Variants in CARMIL1 observed in about 807,000 individuals in gnomAD.
CARMIL1 encodes F-actin-uncapping protein LRRC16A.
A neutral mutation model predicts 177.1 loss-of-function variants in CARMIL1; 90 were observed. The observed-to-expected ratio is 0.51, with a 90% confidence interval of 0.43 to 0.61. The LOEUF is 0.61. CARMIL1 is among the 20% of genes least tolerant of loss of function. The probability of loss-of-function intolerance (pLI) is 0.00; values close to 1 mark genes in which losing one functional copy is unlikely to be tolerated. For missense variants in CARMIL1, 1,380 were observed against 1,667.0 expected, an observed-to-expected ratio of 0.83 and a Z score of 3.00; for synonymous variants, 577 against 606.2, an observed-to-expected ratio of 0.95 and a Z score of 0.71.
At chr6:25,490,165 C>T (rs1477323498) in intron 13 of CARMIL1, among the ~76,000 whole-genome samples, 1 of 152,104 alleles carries the variant, frequency 6.6e-6, no homozygotes, top group East Asian at 1.9e-4. Flanking sequence ...GTTTACCTGA[C>T]CCTGTGCCCT....
intron 2 of CARMIL1, among the ~76,000 whole-genome samples, chr6:25,307,024 G>A (rs192545904): frequency 6.6e-6 from 1 of 151,826 alleles, no homozygotes; most frequent in African/African-American, 2.4e-5. Flanking sequence ...GCTTACAGGC[G>A]CCTGCCACCA....
chr6:25,553,484 G>T (rs2072848), intron 27 of CARMIL1, among the ~76,000 whole-genome samples: 21,570 of 152,216 alleles, frequency 0.14, 2,077 homozygotes, highest in East Asian at 0.4. Context: ...CTTCATAAAA[G>T]ATAGGGGCAG....
rs372005899 is a variant in CARMIL1 at position 25,435,497 on chromosome 6, T to C, written c.264T>C (p.Thr88=). The C allele has an allele frequency of 1.1e-5, 17 of 1,551,340 alleles. No homozygotes were observed. Among genetic ancestry groups the C allele is most frequent in the Non-Finnish European group, 1.5e-5 (17 of 1,146,762 alleles). ...GGTTCTTGCAGATGATTGTGGAAAC[T>C]GAGAAGTGCAGCATTTCCATGAAGA... ...CSKSAQMIVE[T]EKCSISMKMA... Residue 88 remains threonine, a synonymous_variant, in exon 5 of 37, where the codon ACT becomes ACC. Transcript: ENST00000329474.
intron 33 of CARMIL1, among the ~76,000 whole-genome samples, chr6:25,603,598 GGTTT>G (rs1475269784): frequency 6.6e-6 from 1 of 152,098 alleles, no homozygotes; most frequent in East Asian, 1.9e-4. Flanking sequence ...GAGCTTTTTA[GGTTT>G]GTCAGAAGCA....
At chr6:25,583,025 C>T (rs1440880828) in intron 31 of CARMIL1, among the ~76,000 whole-genome samples, 5 of 152,230 alleles carry the variant, frequency 3.3e-5, no homozygotes, top group African/African-American at 4.8e-5. Context: ...AGGGCATTCT[C>T]ATCTTCCCCT....
rs976126844 is a variant in CARMIL1 at position 25,465,676 on chromosome 6, G to C, written c.615-197G>C. 15 of 555,520 alleles carry C rather than the reference G, an allele frequency of 2.7e-5. No individual in the cohort carries two copies. In the South Asian group the frequency reaches 3.1e-4, roughly 11 times the overall value. 34.4% of individuals were successfully genotyped at this position (555,520 alleles called of 1,614,324 possible). On this transcript the variant is annotated intron_variant, in intron 8 of 36. Transcript: ENST00000329474. ...TTGGAAGTAGGAAACAGAGTCCCTA[G>C]AGACAATTTACTTCAACTTTTGGGA...
chr6:25,325,729 T>C (rs1785031087), intron 2 of CARMIL1, among the ~76,000 whole-genome samples: 1 of 152,214 alleles, frequency 6.6e-6, no homozygotes, highest in Non-Finnish European at 1.5e-5. Flanking sequence ...GTAACAGATA[T>C]GGCTTGATTA....
At chr6:25,311,064 AC>A (rs1268804598) in intron 2 of CARMIL1, among the ~76,000 whole-genome samples, 1 of 141,036 alleles carries the variant, frequency 7.1e-6, no homozygotes, top group Admixed American at 6.9e-5. Context: ...CGCCTGTAAT[AC>A]CAGCCACTCG....
At position 25,510,739 on chromosome 6, in the gene CARMIL1, C is replaced by T; in HGVS notation, c.1609C>T (p.Gln537Ter). The change falls in exon 20 of 37, where the codon CAG (glutamine) becomes TAG (stop). Residue 537 changes from glutamine to a stop codon, truncating the protein, a stop_gained. Coordinates refer to ENST00000329474, the MANE Select transcript of CARMIL1 (RefSeq NM_017640.6). LOFTEE classifies it high-confidence loss of function. ...NLTPVLDNLV[Q>*]MIQDEESPLQ... Reference sequence around the variant, plus strand: ...GACACCTGTATTGGACAACTTAGTACAGATGATTCAAGATGAAGAATCAGT... The same window carrying T: ...GACACCTGTATTGGACAACTTAGTATAGATGATTCAAGATGAAGAATCAGT... The T allele has an allele frequency of 1.3e-6, 2 of 1,545,094 alleles. No individual in the cohort carries two copies. Among genetic ancestry groups the T allele is most frequent in the Non-Finnish European group, 8.8e-7 (1 of 1,140,408 alleles).
At chr6:25,312,294 T>C (rs1367872663) in intron 2 of CARMIL1, among the ~76,000 whole-genome samples, 4 of 152,236 alleles carry the variant, frequency 2.6e-5, no homozygotes, top group Non-Finnish European at 4.4e-5. Context: ...TGAAATTTTG[T>C]TTGACTGCTT....
intron 11 of CARMIL1, among the ~76,000 whole-genome samples, chr6:25,480,151 T>C (rs886380832): frequency 1.3e-5 from 2 of 152,128 alleles, no homozygotes; most frequent in Admixed American, 6.5e-5. Context: ...AGTTACTGGG[T>C]ACAGCATTTT....
At chr6:25,366,535 A>G (rs1267839979) in intron 2 of CARMIL1, among the ~76,000 whole-genome samples, 1 of 149,002 alleles carries the variant, frequency 6.7e-6, no homozygotes, top group African/African-American at 2.5e-5. Context: ...GTATCTATGC[A>G]TTGTTTTCTC....
intron 2 of CARMIL1, among the ~76,000 whole-genome samples, chr6:25,334,974 A>G (rs747970861): frequency 1.8e-4 from 28 of 152,196 alleles, no homozygotes; most frequent in Non-Finnish European, 3.4e-4. Context: ...CGTCTTTGCT[A>G]CCGTCCTTGG....
At chr6:25,369,266 C>T (rs1790153734) in intron 2 of CARMIL1, among the ~76,000 whole-genome samples, 1 of 152,186 alleles carries the variant, frequency 6.6e-6, no homozygotes, top group Non-Finnish European at 1.5e-5. Context: ...TAGCATGGCC[C>T]TGTGCCATCG....
intron 2 of CARMIL1, among the ~76,000 whole-genome samples, chr6:25,300,132 C>G (rs531133415): frequency 6.3e-4 from 96 of 152,090 alleles, no homozygotes; most frequent in African/African-American, 2.2e-3. Flanking sequence ...AGAGTTATGT[C>G]TAAGTCTCGA....
chr6:25,335,271 G>A lies in CARMIL1; in HGVS notation c.138+50362G>A, dbSNP rs572672801. Among the ~76,000 whole-genome samples, 18 of 152,260 alleles carry A rather than the reference G, an allele frequency of 1.2e-4. No individual in the cohort carries two copies. The South Asian group carries it at 3.1e-3, about 26-fold the overall frequency. On this transcript the variant is annotated intron_variant, in intron 2 of 36. Transcript: ENST00000329474. ...TTCTCTGTAGATGGATAGTTAATCC[G>A]TGAAAATCCCGAAAAGCATGCAGCT... is the stretch of plus-strand genomic sequence containing the variant.
chr6:25,538,125 T>C, intron 25 of CARMIL1, 142 bp downstream of exon 25: 1 of 859,146 alleles, frequency 1.2e-6, no homozygotes, highest in Non-Finnish European at 1.8e-6. Context: ...GAATTAGCCT[T>C]GACCTCCTTT....
At chr6:25,359,188 C>T (rs1788938234) in intron 2 of CARMIL1, among the ~76,000 whole-genome samples, 1 of 152,184 alleles carries the variant, frequency 6.6e-6, no homozygotes, top group African/African-American at 2.4e-5. Context: ...ATAGCTAAGA[C>T]TCTCCCATTC....
Position 25,610,167 on chromosome 6 carries a change from C to G in CARMIL1, c.3965C>G (p.Thr1322Arg), listed in dbSNP as rs1816386325. Residue 1322 changes from threonine (T) to arginine (R), a missense_variant, in exon 36 of 37, where the codon ACA (threonine) becomes AGA (arginine). Thr to Arg is a moderately conservative substitution (Grantham distance 71, BLOSUM62 -1). Coordinates refer to ENST00000329474, the MANE Select transcript of CARMIL1 (RefSeq NM_017640.6). ...GQSSPQPSPRTFSQEVSRRSW... is the reference protein window; with the variant it reads ...GQSSPQPSPRRFSQEVSRRSW... ...AGTAGCCCCCAGCCCAGCCCCAGGA[C>G]ATTTTCACAGGAAGGTAAGGATTGT... is the stretch of plus-strand genomic sequence containing the variant. 2 of 1,613,290 alleles carry G rather than the reference C, an allele frequency of 1.2e-6. No homozygotes were observed. Among genetic ancestry groups the G allele is most frequent in the Non-Finnish European group, 1.7e-6 (2 of 1,179,680 alleles).
Sources: allele counts gnomAD v4.1 joint callset (sites outside exome capture counted in the v4.1 genomes callset), GRCh38; gene constraint gnomAD v4.1.1; transcripts MANE v1.5; gene names NCBI Gene and HGNC (gene_info 2026-07-23, HGNC 2026-07-21).